Variants in ABCA12 observed in about 807,000 individuals in gnomAD.
ABCA12 encodes the protein ATP binding cassette subfamily A member 12.
Under a neutral mutation model 293.5 loss-of-function variants are expected in ABCA12, and 156 were observed. The observed-to-expected ratio is 0.53, with a 90% CI of 0.47 to 0.61. ABCA12 has a LOEUF of 0.61. Ranked by LOEUF, ABCA12 falls within the 20% of genes least tolerant of loss-of-function variation. ABCA12 has a pLI of 0.00. For synonymous variants in ABCA12, 1,063 were observed against 1,108.0 expected, an observed-to-expected ratio of 0.96 and a Z score of 0.81; for missense variants, 2,797 against 3,090.2, an observed-to-expected ratio of 0.91 and a Z score of 2.25.
chr2:215,053,969 G>C (rs1219449400), intron 4 of ABCA12, among the ~76,000 whole-genome samples: 1 of 152,040 alleles, frequency 6.6e-6, no homozygotes, highest in East Asian at 1.9e-4. Flanking sequence ...CGCATGTTTT[G>C]AGGGAGCAAC....
At chr2:215,061,055 C>T (rs962913054) in intron 3 of ABCA12, among the ~76,000 whole-genome samples, 23 of 152,030 alleles carry the variant, frequency 1.5e-4, no homozygotes, top group African/African-American at 4.6e-4. Flanking sequence ...AGCAATGGCA[C>T]ATGGCCAGGG....
chr2:215,017,959 A>G (rs1559149028), intron 14 of ABCA12, 49 bp downstream of exon 14: 6 of 1,612,782 alleles, frequency 3.7e-6, no homozygotes, highest in Middle Eastern at 1.6e-4. Flanking sequence ...GCTAAATGCT[A>G]TTTAAATTTC....
At position 214,990,838 on chromosome 2, in the gene ABCA12, T is replaced by A; in HGVS notation, c.3488A>T (p.Tyr1163Phe). 6.2e-7 allele frequency: 1 copy of A among 1,614,078 alleles called. No individual in the cohort carries two copies. The highest frequency in any genetic ancestry group is 2.2e-5 in the East Asian group (1 of 44,872). ...DYSFSVIAMS[Y>F]LISVFFNNTN... The stretch of plus-strand genomic sequence containing the variant: ...GTTGTTGAAGAAGACACTGATAAGA[T>A]AGCTCATGGCAATAACCGAGAAGCT... Residue 1163 changes from tyrosine to phenylalanine, a missense_variant, in exon 24 of 53, where the codon TAT becomes TTT. Tyr to Phe is a conservative substitution (Grantham distance 22). Coordinates refer to ENST00000272895, the MANE Select transcript of ABCA12 (RefSeq NM_173076.3).
At chr2:215,044,062 A>T (rs916687697) in intron 7 of ABCA12, among the ~76,000 whole-genome samples, 1 of 151,778 alleles carries the variant, frequency 6.6e-6, no homozygotes, top group Non-Finnish European at 1.5e-5. Flanking sequence ...TTGTTTTGCC[A>T]TTTTTTTATA....
intron 3 of ABCA12, among the ~76,000 whole-genome samples, 194 bp downstream of exon 3, chr2:215,063,872 T>G (rs73074444): frequency 0.063 from 9,509 of 152,078 alleles, 1,017 homozygotes; most frequent in African/African-American, 0.22. Flanking sequence ...TCACCCAAAG[T>G]AGATTGTACT....
chr2:215,086,172 A>T (rs749061821), intron 2 of ABCA12, among the ~76,000 whole-genome samples: 1 of 152,224 alleles, frequency 6.6e-6, no homozygotes, highest in Non-Finnish European at 1.5e-5. Context: ...AAGATTGTCT[A>T]TACTTCATTT....
At chr2:214,999,063 G>C (rs887825944) in intron 22 of ABCA12, among the ~76,000 whole-genome samples, 13 of 152,186 alleles carry the variant, frequency 8.5e-5, no homozygotes, top group Admixed American at 7.9e-4. Flanking sequence ...CATTATCAGA[G>C]AGATGAGGTG....
At chr2:215,019,214 T>A in intron 13 of ABCA12, 122 bp downstream of exon 13, 1 of 795,792 alleles carries the variant, frequency 1.3e-6, no homozygotes, top group South Asian at 1.5e-5. Flanking sequence ...AGGTTTCTCA[T>A]GTGTAAGGGC....
rs755811337 is a variant in ABCA12, at chr2:214,983,612, T to G, written c.4382+35A>C. On this transcript the variant is annotated intron_variant, in intron 29 of 52. Transcript: ENST00000272895. Reference sequence around the variant, plus strand: ...CAAGCTATGGGTCTTTGAGAGGAGTTAGCAACTTAGGTTCTCATTCCTGTC... The same window carrying G: ...CAAGCTATGGGTCTTTGAGAGGAGTGAGCAACTTAGGTTCTCATTCCTGTC... 3 of 1,582,908 alleles carry G rather than the reference T, an allele frequency of 1.9e-6. No individual in the cohort carries two copies. The African/African-American group carries it at 4.0e-5, about 21-fold the overall frequency.
At chr2:215,033,398 G>A (rs1481526023) in intron 8 of ABCA12, among the ~76,000 whole-genome samples, 56 of 152,256 alleles carry the variant, frequency 3.7e-4, no homozygotes, top group Admixed American at 3.7e-3. Flanking sequence ...GTAATACTAT[G>A]TGGTTATAGA....
intron 2 of ABCA12, among the ~76,000 whole-genome samples, chr2:215,095,473 C>G (rs1437017518): frequency 6.6e-6 from 1 of 152,134 alleles, no homozygotes; most frequent in Non-Finnish European, 1.5e-5. Flanking sequence ...CCCACAATAT[C>G]ACCTCTTACC....
chr2:214,938,329 G>GTA (rs1214084168), intron 50 of ABCA12, among the ~76,000 whole-genome samples: 1 of 152,134 alleles, frequency 6.6e-6, no homozygotes, highest in Admixed American at 6.6e-5. Flanking sequence ...ATTCCATGGG[G>GTA]TATATGTGCC....
intron 8 of ABCA12, among the ~76,000 whole-genome samples, chr2:215,034,006 T>C (rs1700939108): frequency 1.3e-5 from 2 of 152,170 alleles, no homozygotes; most frequent in South Asian, 4.1e-4. Flanking sequence ...AAAAAAATTG[T>C]ATTCACAGAC....
In ABCA12 at chr2:215,064,709, A is replaced by G. The variant is rs1458711200; in HGVS notation, c.164-490T>C. ...TTAATACACGCACACACACACACAC[A>G]CACACACACACACACACACACACAA... On this transcript the variant is annotated intron_variant, in intron 2 of 52. Coordinates refer to ENST00000272895, the MANE Select transcript of ABCA12 (RefSeq NM_173076.3). Among the ~76,000 whole-genome samples the G allele has an allele frequency of 5.9e-5, 9 of 151,436 alleles. No individual in the cohort carries two copies. In the East Asian group the frequency reaches 1.7e-3, roughly 29 times the overall value.
At chr2:214,985,171 TGGG>T (rs1013726872) in intron 28 of ABCA12, among the ~76,000 whole-genome samples, 13 of 152,326 alleles carry the variant, frequency 8.5e-5, no homozygotes, top group South Asian at 4.1e-4. Flanking sequence ...AACAATAAAA[TGGG>T]GGCATTCTCA....
intron 2 of ABCA12, among the ~76,000 whole-genome samples, chr2:215,076,448 C>A (rs540628220): frequency 6.2e-4 from 94 of 152,114 alleles, no homozygotes; most frequent in African/African-American, 2.1e-3. Context: ...AATACTTCAG[C>A]AAAATACACA....
rs16853149 is a variant in ABCA12, at chr2:215,019,344, T to G, written c.1649A>C (p.Glu550Ala). 6 of 1,610,918 alleles carry G rather than the reference T, an allele frequency of 3.7e-6. No individual in the cohort carries two copies. The highest frequency in any genetic ancestry group is 4.2e-6 in the Non-Finnish European group (5 of 1,178,696). ...TGTGGATGGGGAAACACCTGGCTTT[T>G]CAGAAGCATCTGCACTGTTATTGAC... ...LHVNNSADAS[E>A]KPGQLLEMFK... The change falls in exon 13 of 53, where the codon GAA becomes GCA. Residue 550 changes from glutamate (E) to alanine (A), a missense_variant. Glu to Ala is a moderately radical substitution (Grantham distance 107). Transcript: ENST00000272895.
At chr2:215,054,786 G>T (rs775643979) in intron 3 of ABCA12, 122 bp from the exon 4 acceptor site, 1 of 716,706 alleles carries the variant, frequency 1.4e-6, no homozygotes. Context: ...TAGTTTCCAG[G>T]ATTTTAATGG....
intron 26 of ABCA12, among the ~76,000 whole-genome samples, chr2:214,988,637 A>G (rs1699838797): frequency 6.6e-6 from 1 of 152,184 alleles, no homozygotes; most frequent in South Asian, 2.1e-4. Context: ...TTCCGTTAGA[A>G]TCTGGTAAAT....
Sources: allele counts gnomAD v4.1 joint callset (sites outside exome capture counted in the v4.1 genomes callset), GRCh38; gene constraint gnomAD v4.1.1; transcripts MANE v1.5; gene names NCBI Gene and HGNC (gene_info 2026-07-23, HGNC 2026-07-21).